Variants in KLHL32 observed in about 807,000 individuals in gnomAD.
KLHL32 encodes kelch-like protein 32.
KLHL32 carries 35 observed loss-of-function variants against 64.8 expected under a neutral mutation model. The ratio of observed to expected loss-of-function variants is 0.54; its 90% CI spans 0.41 to 0.72. KLHL32 has a LOEUF of 0.72. KLHL32 is among the 30% of genes least tolerant of loss of function. KLHL32 has a pLI of 0.00. For missense variants in KLHL32, 589 were observed against 768.5 expected (o/e 0.77, Z 2.76); for synonymous variants, 259 against 281.0 (o/e 0.92, Z 0.78).
At chr6:96,995,832 A>G (rs1562226408) in intron 3 of KLHL32, among the ~76,000 whole-genome samples, 1 of 152,218 alleles carries the variant, frequency 6.6e-6, no homozygotes, top group Non-Finnish European at 1.5e-5. Context: ...TGAAATCTTA[A>G]TACTTTCAGC....
intron 3 of KLHL32, among the ~76,000 whole-genome samples, chr6:97,019,514 G>C (rs374085673): frequency 1.5e-3 from 233 of 152,286 alleles, no homozygotes; most frequent in African/African-American, 5.2e-3. Context: ...GTGGGACTTC[G>C]GGTGAAGCAC....
chr6:96,985,340 A>G (rs1276735607), intron 3 of KLHL32, among the ~76,000 whole-genome samples: 4 of 152,014 alleles, frequency 2.6e-5, no homozygotes, highest in Admixed American at 6.6e-5. Context: ...GAATCTGACA[A>G]TTATGTGTCT....
chr6:97,098,141 C>T (rs961936339), intron 6 of KLHL32, among the ~76,000 whole-genome samples: 5 of 152,056 alleles, frequency 3.3e-5, no homozygotes, highest in Non-Finnish European at 5.9e-5. Flanking sequence ...AGGCTAAAAA[C>T]GATACAGACA....
chr6:96,992,074 A>G (rs1308994716), intron 3 of KLHL32, among the ~76,000 whole-genome samples: 1 of 152,136 alleles, frequency 6.6e-6, no homozygotes, highest in African/African-American at 2.4e-5. Context: ...CCAGTGGGCC[A>G]TGTCTGGCGA....
chr6:96,941,235 T>C (rs1273086450), intron 1 of KLHL32, among the ~76,000 whole-genome samples: 8 of 152,350 alleles, frequency 5.3e-5, no homozygotes, highest in African/African-American at 1.9e-4. Context: ...AGCACTACTT[T>C]AATAAAGATA....
At chr6:97,126,579 A>G (rs1400591810) in intron 7 of KLHL32, among the ~76,000 whole-genome samples, 1 of 152,152 alleles carries the variant, frequency 6.6e-6, no homozygotes, top group African/African-American at 2.4e-5. Context: ...CCACAATAGC[A>G]ATTGCACTGA....
intron 3 of KLHL32, among the ~76,000 whole-genome samples, chr6:96,983,658 T>A (rs1287761320): frequency 1.3e-5 from 2 of 152,272 alleles, no homozygotes; most frequent in African/African-American, 4.8e-5. Context: ...GATTTTCTAG[T>A]TTATTTGCAT....
chr6:96,938,630 TGCA>T (rs199671024), intron 1 of KLHL32, among the ~76,000 whole-genome samples: 2 of 151,956 alleles, frequency 1.3e-5, no homozygotes, highest in East Asian at 1.9e-4. Flanking sequence ...TCTCTCTTCC[TGCA>T]GCAGCAGCAG....
At chr6:97,070,250 T>A (rs1336100072) in intron 5 of KLHL32, among the ~76,000 whole-genome samples, 1 of 152,230 alleles carries the variant, frequency 6.6e-6, no homozygotes, top group African/African-American at 2.4e-5. Flanking sequence ...TCTTTTGGAT[T>A]ATTTTTAATC....
intron 6 of KLHL32, among the ~76,000 whole-genome samples, chr6:97,112,233 C>T (rs1797242003): frequency 6.6e-6 from 1 of 152,152 alleles, no homozygotes; most frequent in Non-Finnish European, 1.5e-5. Flanking sequence ...TTCATTCTTT[C>T]CTGCTAATTC....
chr6:96,964,528 C>G (rs1433362835), intron 1 of KLHL32, among the ~76,000 whole-genome samples: 3 of 152,174 alleles, frequency 2.0e-5, no homozygotes, highest in African/African-American at 7.2e-5. Flanking sequence ...TGGCCGGCGC[C>G]TGTAGTCCCA....
intron 3 of KLHL32, among the ~76,000 whole-genome samples, chr6:96,989,432 C>T (rs1183181665): frequency 1.3e-5 from 2 of 152,154 alleles, no homozygotes; most frequent in East Asian, 3.9e-4. Context: ...GCCCCAATCT[C>T]TTCAGGCTTG....
chr6:97,067,491 A>C (rs1221942333), intron 5 of KLHL32, among the ~76,000 whole-genome samples: 1 of 152,310 alleles, frequency 6.6e-6, no homozygotes, highest in South Asian at 2.1e-4. Flanking sequence ...TATAGGTTAC[A>C]GTACCCTCCT....
At chr6:96,934,900 T>C (rs1186429207) in intron 1 of KLHL32, among the ~76,000 whole-genome samples, 1 of 152,210 alleles carries the variant, frequency 6.6e-6, no homozygotes, top group African/African-American at 2.4e-5. Context: ...ATAGTATGGA[T>C]ATAGCACGAT....
At chr6:96,935,518 G>A (rs891372216) in intron 1 of KLHL32, among the ~76,000 whole-genome samples, 12 of 152,124 alleles carry the variant, frequency 7.9e-5, no homozygotes, top group Admixed American at 2.0e-4. Context: ...AGAAAAGAGG[G>A]AACACTAACT....
At chr6:96,999,104 A>C (rs1239551319) in intron 3 of KLHL32, among the ~76,000 whole-genome samples, 1 of 152,176 alleles carries the variant, frequency 6.6e-6, no homozygotes, top group Non-Finnish European at 1.5e-5. Flanking sequence ...GCTTTCAAAA[A>C]GTATATTTCC....
intron 6 of KLHL32, 30 bp from the exon 7 acceptor site, chr6:97,113,753 C>A: frequency 6.3e-7 from 1 of 1,596,268 alleles, no homozygotes; most frequent in Non-Finnish European, 8.6e-7. Flanking sequence ...ACCTTTGTGT[C>A]TCCTCTCATC....
rs1247912549 is a variant in KLHL32, at chr6:96,943,858, A to G, written c.-66+18832A>G. On this transcript the variant is annotated intron_variant, in intron 1 of 10. Transcript: ENST00000369261. ...GTGCAGATGCATTCTTTTTATAATT[A>G]CTGAAAAGAAGGTTGTTGGAGGTAT... 2.6e-5 allele frequency among the ~76,000 whole-genome samples: 4 copies of G among 152,160 alleles called. No individual in the cohort carries two copies. The East Asian group carries it at 7.7e-4, about 29-fold the overall frequency.
chr6:96,909,887 TAAG>T, the KLHL32 span, among the ~76,000 whole-genome samples: 4 of 152,244 alleles, frequency 2.6e-5, no homozygotes, highest in Non-Finnish European at 4.4e-5. Context: ...TAAAAAATCT[TAAG>T]AAGACAGATG....
Sources: gnomAD v4.1 joint callset for allele counts (sites outside exome capture counted in the v4.1 genomes callset) on GRCh38, gnomAD v4.1.1 for gene constraint, MANE v1.5 for transcripts, NCBI Gene and HGNC (gene_info 2026-07-23, HGNC 2026-07-21) for gene names.